Variants in ERC1 observed in about 807,000 individuals in gnomAD.
ERC1 encodes ELKS/RAB6-interacting/CAST family member 1.
In ERC1, 56 loss-of-function variants were observed where a neutral mutation model predicts 132.0. The ratio of observed to expected loss-of-function variants is 0.42; its 90% CI spans 0.34 to 0.53. The LOEUF (loss-of-function observed/expected upper bound fraction) is 0.53. ERC1 is among the 20% of genes least tolerant of loss of function. The pLI is 0.03. For synonymous variants in ERC1, 478 were observed against 476.1 expected (o/e 1.00, Z -0.05); for missense variants, 1,202 against 1,349.9 (o/e 0.89, Z 1.72).
At position 1,246,400 on chromosome 12, in the gene ERC1, T is replaced by G. The variant is rs115620246; in HGVS notation, c.2487+9496T>G. Reference sequence around the variant, plus strand: ...ATCCATGAGTTTATGCTGATATAAATAAGTAATCAAATACATAAATAAATG... The same window carrying G: ...ATCCATGAGTTTATGCTGATATAAAGAAGTAATCAAATACATAAATAAATG... On this transcript the variant is annotated intron_variant, in intron 13 of 18. Coordinates refer to ENST00000360905, the MANE Select transcript of ERC1 (RefSeq NM_178040.4). Among the ~76,000 whole-genome samples the G allele has an allele frequency of 5.4e-3, 815 of 152,202 alleles. 3 individuals are homozygous for G. The highest frequency in any genetic ancestry group is 0.018 in the African/African-American group (737 of 41,530).
chr12:1,319,558 C>A (rs1403664407), intron 15 of ERC1, among the ~76,000 whole-genome samples: 2 of 152,156 alleles, frequency 1.3e-5, no homozygotes. Context: ...AGTAAATAAA[C>A]AACCATTATC....
chr12:1,472,049 G>A (rs1415032765), intron 18 of ERC1, among the ~76,000 whole-genome samples: 1 of 152,190 alleles, frequency 6.6e-6, no homozygotes, highest in African/African-American at 2.4e-5. Context: ...CCGGGCTGAT[G>A]AGTCTAAATT....
At chr12:1,107,018 A>G (rs973271957) in intron 4 of ERC1, among the ~76,000 whole-genome samples, 8 of 152,182 alleles carry the variant, frequency 5.3e-5, no homozygotes, top group African/African-American at 1.9e-4. Context: ...AAAATAGGGA[A>G]GAAAGGTGAT....
intron 8 of ERC1, among the ~76,000 whole-genome samples, chr12:1,171,576 T>A (rs1263953786): frequency 6.6e-6 from 1 of 152,186 alleles, no homozygotes; most frequent in Non-Finnish European, 1.5e-5. Context: ...AAGGTATTAT[T>A]AACCAAGAAA....
At chr12:1,015,390 A>G (rs1350151929) in intron 1 of ERC1, among the ~76,000 whole-genome samples, 1 of 151,896 alleles carries the variant, frequency 6.6e-6, no homozygotes, top group Non-Finnish European at 1.5e-5. Flanking sequence ...TTAAATTAGG[A>G]TTGCCTGAAA....
chr12:1,235,918 T>G (rs1385082190), intron 12 of ERC1, among the ~76,000 whole-genome samples: 1 of 152,202 alleles, frequency 6.6e-6, no homozygotes, highest in Non-Finnish European at 1.5e-5. Flanking sequence ...TGTCATCTTC[T>G]GGGGAGTAGA....
intron 18 of ERC1, among the ~76,000 whole-genome samples, chr12:1,476,856 AAATGTC>A (rs1240874868): frequency 6.6e-6 from 1 of 152,252 alleles, no homozygotes; most frequent in East Asian, 1.9e-4. Context: ...AGAACAAACT[AAATGTC>A]TATTGGAGTT....
chr12:1,440,217 T>TTC (rs2093066264), intron 17 of ERC1, among the ~76,000 whole-genome samples: 1 of 144,652 alleles, frequency 6.9e-6, no homozygotes, highest in Non-Finnish European at 1.5e-5. Context: ...TTTTTTTTTT[T>TTC]TCCTTGAGAC....
At chr12:1,098,484 G>T (rs1944306872) in intron 3 of ERC1, among the ~76,000 whole-genome samples, 1 of 152,202 alleles carries the variant, frequency 6.6e-6, no homozygotes, top group South Asian at 2.1e-4. Flanking sequence ...TTCCGCACTA[G>T]AACAGTTAGG....
intron 3 of ERC1, among the ~76,000 whole-genome samples, chr12:1,093,570 C>A (rs555341702): frequency 6.6e-6 from 1 of 152,220 alleles, no homozygotes; most frequent in East Asian, 1.9e-4. Flanking sequence ...AGTATGTGCT[C>A]CTACTTACTT....
At chr12:1,369,400 G>A (rs1168283638) in intron 15 of ERC1, among the ~76,000 whole-genome samples, 2 of 152,214 alleles carry the variant, frequency 1.3e-5, no homozygotes, top group Non-Finnish European at 2.9e-5. Context: ...CCTCAAGTCT[G>A]ATCGCCTTTG....
chr12:1,220,598 C>T lies in ERC1; in HGVS notation c.2352-16171C>T, dbSNP rs74429486. 1.5e-3 allele frequency among the ~76,000 whole-genome samples: 229 copies of T among 152,272 alleles called. 4 individuals are homozygous for T. The East Asian group carries it at 0.034, about 23-fold the overall frequency. ...TTGCTTCCAAATGAAAAAGACTTTT[C>T]CAGTGACCTGCAAAGCTCTTCAGCA... On this transcript the variant is annotated intron_variant, in intron 12 of 18. Transcript: ENST00000360905.
chr12:1,405,568 T>G (rs1460216166), intron 16 of ERC1, among the ~76,000 whole-genome samples: 2 of 152,028 alleles, frequency 1.3e-5, no homozygotes, highest in Non-Finnish European at 2.9e-5. Flanking sequence ...CCGGGCGTGG[T>G]GGCAGGCGCC....
At chr12:1,437,648 G>A (rs16928433) in intron 17 of ERC1, among the ~76,000 whole-genome samples, 41,826 of 152,130 alleles carry the variant, frequency 0.27, 10,485 homozygotes, top group African/African-American at 0.67. Flanking sequence ...TAGCAGCTCT[G>A]TAGTTGAGAT....
intron 5 of ERC1, 88 bp downstream of exon 5, chr12:1,110,435 T>G (rs1177545909): frequency 9.7e-7 from 1 of 1,029,288 alleles, no homozygotes; most frequent in Non-Finnish European, 1.4e-6. Flanking sequence ...TAAAGCCGTA[T>G]TTTACACTCT....
chr12:1,118,210 T>C (rs982408435), intron 7 of ERC1, among the ~76,000 whole-genome samples: 1 of 152,212 alleles, frequency 6.6e-6, no homozygotes, highest in African/African-American at 2.4e-5. Context: ...CACTTCCAAG[T>C]TTGCTACTGT....
chr12:1,134,867 T>G (rs1209939632), intron 7 of ERC1, among the ~76,000 whole-genome samples: 1 of 151,996 alleles, frequency 6.6e-6, no homozygotes, highest in Non-Finnish European at 1.5e-5. Context: ...TAGCTGGGAT[T>G]ACAGGCATGC....
At chr12:1,121,763 A>G (rs1346546145) in intron 7 of ERC1, among the ~76,000 whole-genome samples, 8 of 5,380 alleles carry the variant, frequency 1.5e-3, no homozygotes, top group African/African-American at 2.3e-3. Flanking sequence ...CTCTATCTCT[A>G]TCTATCTCTA....
intron 2 of ERC1, among the ~76,000 whole-genome samples, chr12:1,061,499 A>C (rs1937887592): frequency 6.6e-6 from 1 of 150,828 alleles, no homozygotes; most frequent in African/African-American, 2.4e-5. Flanking sequence ...GTTACTTGGG[A>C]GGCTGAGGCA....
Sources: allele counts gnomAD v4.1 joint callset (sites outside exome capture counted in the v4.1 genomes callset), GRCh38; gene constraint gnomAD v4.1.1; transcripts MANE v1.5; gene names NCBI Gene and HGNC (gene_info 2026-07-23, HGNC 2026-07-21).